The following PDE8B variants were observed in gnomAD, a reference collection of about 807,000 sequenced individuals.
The protein encoded by PDE8B is high affinity cAMP-specific and IBMX-insensitive 3',5'-cyclic phosphodiesterase 8B.
PDE8B carries 26 observed loss-of-function variants against 101.3 expected under a neutral mutation model. The ratio of observed to expected loss-of-function variants is 0.26; its 90% CI spans 0.19 to 0.36. PDE8B has a LOEUF of 0.36. Ranked by LOEUF, PDE8B falls within the 10% of genes least tolerant of loss-of-function variation. PDE8B has a pLI of 1.00. For synonymous variants in PDE8B, 424 were observed against 429.3 expected (o/e 0.99, Z 0.15); for missense variants, 810 against 1,163.1 (o/e 0.70, Z 4.42).
the PDE8B span, chr5:77,144,993 T>TA: frequency 2.0e-5 from 3 of 152,062 alleles, no homozygotes; most frequent in South Asian, 2.1e-4. Flanking sequence ...CCTAAACGAC[T>TA]AAAAATGAAA....
At chr5:77,218,048 A>T (rs1209456412) in intron 1 of PDE8B, among the ~76,000 whole-genome samples, 1 of 152,170 alleles carries the variant, frequency 6.6e-6, no homozygotes, top group Non-Finnish European at 1.5e-5. Flanking sequence ...CTGAAGTAGG[A>T]TTAGCCTACC....
At chr5:77,277,155 T>G (rs1764011815) in intron 1 of PDE8B, among the ~76,000 whole-genome samples, 1 of 152,310 alleles carries the variant, frequency 6.6e-6, no homozygotes, top group Non-Finnish European at 1.5e-5. Flanking sequence ...AGAAGGAGAT[T>G]TTTGGAAAAT....
At chr5:77,370,972 C>T (rs1438853575) in intron 10 of PDE8B, among the ~76,000 whole-genome samples, 1 of 152,140 alleles carries the variant, frequency 6.6e-6, no homozygotes, top group Non-Finnish European at 1.5e-5. Flanking sequence ...AAATCCTTTG[C>T]TATTTTAATT....
the PDE8B span, among the ~76,000 whole-genome samples, chr5:77,130,042 G>A: frequency 0.76 from 116,152 of 152,158 alleles, 44,923 homozygotes; most frequent in East Asian, 0.95. Context: ...GGAGCATAGA[G>A]AAAATGTGGA....
At chr5:77,270,463 G>T (rs182819062) in intron 1 of PDE8B, among the ~76,000 whole-genome samples, 1 of 152,198 alleles carries the variant, frequency 6.6e-6, no homozygotes, top group African/African-American at 2.4e-5. Flanking sequence ...TCTCTTGTCT[G>T]GTTGCTCTAG....
chr5:77,334,189 T>C (rs1399414342), intron 5 of PDE8B, among the ~76,000 whole-genome samples: 1 of 152,264 alleles, frequency 6.6e-6, no homozygotes, highest in Non-Finnish European at 1.5e-5. Flanking sequence ...ATCTCTGAGC[T>C]GGTTTGATTG....
the PDE8B span, among the ~76,000 whole-genome samples, chr5:77,171,821 C>T: frequency 6.6e-6 from 1 of 152,106 alleles, no homozygotes; most frequent in Non-Finnish European, 1.5e-5. Flanking sequence ...GGAGGTCCAG[C>T]CCTGTGCTCG....
the PDE8B span, among the ~76,000 whole-genome samples, chr5:77,171,931 G>A: frequency 6.6e-6 from 1 of 152,194 alleles, no homozygotes; most frequent in African/African-American, 2.4e-5. Context: ...AGGATGAGGG[G>A]AGGAAGGATG....
the PDE8B span, chr5:77,118,223 C>T: frequency 1.0e-5 from 4 of 390,852 alleles, no homozygotes; most frequent in South Asian, 1.4e-4. Context: ...CTGGGATTAC[C>T]GGTGTGAGCC....
At chr5:77,296,082 A>G (rs1260023665) in intron 1 of PDE8B, among the ~76,000 whole-genome samples, 2 of 152,016 alleles carry the variant, frequency 1.3e-5, no homozygotes, top group Non-Finnish European at 2.9e-5. Context: ...CTCCTAACCA[A>G]TTGCTATAGC....
intron 1 of PDE8B, among the ~76,000 whole-genome samples, chr5:77,212,667 T>G (rs1033343081): frequency 2.0e-5 from 3 of 152,194 alleles, no homozygotes; most frequent in Admixed American, 6.5e-5. Flanking sequence ...GTCTAGGATT[T>G]ATGACAGTAC....
chr5:77,421,808 A>G lies in PDE8B; in HGVS notation c.2251-13A>G, dbSNP rs1266257598. ...ATCTTGAACCAAGCCTGATCTGACC[A>G]TCTGTTTTCCAGATTGAAGGCAGCG... On this transcript the variant is annotated splice_polypyrimidine_tract_variant and intron_variant, in intron 19 of 21. Coordinates refer to ENST00000264917, the MANE Select transcript of PDE8B (RefSeq NM_003719.5). 7 of 1,613,588 alleles carry G rather than the reference A, an allele frequency of 4.3e-6. No homozygotes were observed. Among genetic ancestry groups the G allele is most frequent in the African/African-American group, 4.0e-5 (3 of 74,944 alleles).
the PDE8B span, chr5:77,089,413 A>G: frequency 1.3e-5 from 2 of 154,282 alleles, no homozygotes; most frequent in Non-Finnish European, 2.9e-5. Flanking sequence ...GGTGAGTTGT[A>G]TAACTATTTC....
the PDE8B span, among the ~76,000 whole-genome samples, chr5:77,098,461 T>C: frequency 6.6e-6 from 1 of 152,084 alleles, no homozygotes; most frequent in African/African-American, 2.4e-5. Context: ...TTTATCTATC[T>C]TTTGTTTTTT....
intron 10 of PDE8B, among the ~76,000 whole-genome samples, chr5:77,397,411 T>C (rs1791305345): frequency 6.6e-6 from 1 of 152,130 alleles, no homozygotes; most frequent in Non-Finnish European, 1.5e-5. Flanking sequence ...ACATACTAAA[T>C]ATATATAGAC....
the PDE8B span, among the ~76,000 whole-genome samples, chr5:77,172,872 T>A: frequency 1.3e-5 from 2 of 152,110 alleles, no homozygotes; most frequent in African/African-American, 4.8e-5. Context: ...CTGGCTTCCA[T>A]CCCTCCACCA....
the PDE8B span, among the ~76,000 whole-genome samples, chr5:77,106,540 T>C: frequency 6.6e-6 from 1 of 152,366 alleles, no homozygotes; most frequent in South Asian, 2.1e-4. Flanking sequence ...TCTTGATTGC[T>C]ATAGTTTTAT....
chr5:77,291,394 G>A lies in PDE8B; in HGVS notation c.340-20600G>A, dbSNP rs569940106. 1.2e-4 allele frequency: 187 copies of A among 1,611,704 alleles called. No individual in the cohort carries two copies. In the African/African-American group the frequency reaches 1.8e-3, roughly 16 times the overall value. On this transcript the variant is annotated intron_variant, in intron 1 of 21. Transcript: ENST00000264917. ...GTCTATGGGGGCAAGGTTATGGATC[G>A]CCCTGGAAATTATGTAGAACCGACA...
At chr5:77,272,429 G>A (rs1299239652) in intron 1 of PDE8B, among the ~76,000 whole-genome samples, 6 of 152,168 alleles carry the variant, frequency 3.9e-5, no homozygotes, top group East Asian at 1.9e-4. Flanking sequence ...GTGGTGCCTC[G>A]AACATGTCCT....
Sources: allele counts gnomAD v4.1 joint callset (sites outside exome capture counted in the v4.1 genomes callset), GRCh38; gene constraint gnomAD v4.1.1; transcripts MANE v1.5; gene names NCBI Gene and HGNC (gene_info 2026-07-23, HGNC 2026-07-21).